The following MYH7B variants were observed in gnomAD, a reference collection of about 807,000 sequenced individuals.
The protein encoded by MYH7B is myosin-7B.
In MYH7B, 205 loss-of-function variants were observed where a neutral mutation model predicts 234.5. The observed-to-expected ratio is 0.87, with a 90% confidence interval of 0.78 to 0.98. The LOEUF (loss-of-function observed/expected upper bound fraction) is 0.98. Ranked by LOEUF, MYH7B falls within the 50% of genes least tolerant of loss-of-function variation. The pLI, the probability that MYH7B is intolerant of heterozygous loss-of-function variation, is 0.00. For synonymous variants in MYH7B, 1,193 were observed against 1,105.0 expected, an observed-to-expected ratio of 1.08 and a Z score of -1.58; for missense variants, 2,652 against 2,633.4, an observed-to-expected ratio of 1.01 and a Z score of -0.15.
chr20:34,996,993 G>A, intron 30 of MYH7B, 90 bp from the exon 31 acceptor site: 1 of 1,407,572 alleles, frequency 7.1e-7, no homozygotes, highest in East Asian at 2.5e-5. Flanking sequence ...GGTCCCTCAG[G>A]GCCTGAAGGG....
Position 35,001,228 on chromosome 20 carries a change from T to C in MYH7B, c.5476-17T>C, listed in dbSNP as rs2147247987. 1.2e-6 allele frequency: 2 copies of C among 1,607,728 alleles called. No homozygotes were observed. The highest frequency in any genetic ancestry group is 1.7e-6 in the Non-Finnish European group (2 of 1,176,280). On this transcript the variant is annotated splice_polypyrimidine_tract_variant and intron_variant, in intron 41 of 44. Coordinates refer to ENST00000262873, the Ensembl canonical transcript of MYH7B. ...CCCAGGGGTGGGCTTGGCATCAGGCTGTCCCCCTGCCTGCAGGTACGGGAG... is the reference window on the plus strand; with the variant it reads ...CCCAGGGGTGGGCTTGGCATCAGGCCGTCCCCCTGCCTGCAGGTACGGGAG...
chr20:34,979,357 C>A, intron 5 of MYH7B, 33 bp from the exon 6 acceptor site: 2 of 1,559,418 alleles, frequency 1.3e-6, no homozygotes, highest in Non-Finnish European at 1.8e-6. Flanking sequence ...GCCTCAGCCC[C>A]TCTCTGAGTC....
intron 2 of MYH7B, among the ~76,000 whole-genome samples, chr20:34,972,703 C>T (rs2147159144): frequency 6.6e-6 from 1 of 152,242 alleles, no homozygotes; most frequent in Middle Eastern, 3.4e-3. Context: ...GATCTCAGCT[C>T]ACTGCAGTCT....
intron 2 of MYH7B, among the ~76,000 whole-genome samples, chr20:34,974,358 T>C (rs771960326): frequency 1.0e-4 from 10 of 98,260 alleles, no homozygotes; most frequent in Non-Finnish European, 2.0e-4. Context: ...GCTCTTCAGG[T>C]ATTGAAAGTC....
At chr20:34,991,343 C>T (rs1380293785) in intron 24 of MYH7B, among the ~76,000 whole-genome samples, 1 of 152,164 alleles carries the variant, frequency 6.6e-6, no homozygotes, top group African/African-American at 2.4e-5. Context: ...GAGGTGGAGC[C>T]TACAGGCCTC....
At chr20:35,001,442 C>T in exon 43 of MYH7B, 1 of 1,602,228 alleles carries the variant, frequency 6.2e-7, no homozygotes, top group Non-Finnish European at 8.5e-7. Context: ...CCGAGGAGGA[C>T]AGGAAGAACC....
intron 2 of MYH7B, among the ~76,000 whole-genome samples, chr20:34,965,356 T>A (rs1207307048): frequency 6.6e-6 from 1 of 152,202 alleles, no homozygotes; most frequent in Non-Finnish European, 1.5e-5. Flanking sequence ...TTGCCCAGGC[T>A]TGGGTGAGAA....
At chr20:35,002,197 C>T (rs1227288506) in exon 45 of MYH7B, 1 of 1,526,156 alleles carries the variant, frequency 6.6e-7, no homozygotes, top group South Asian at 1.3e-5. Flanking sequence ...GACGGCCTGA[C>T]CCCCTGGGCT....
Position 34,998,065 on chromosome 20 carries a change from C to G in MYH7B, c.3748-230C>G, listed in dbSNP as rs957690869. 5.3e-5 allele frequency among the ~76,000 whole-genome samples: 8 copies of G among 152,354 alleles called. No individual in the cohort carries two copies. The East Asian group carries it at 1.4e-3, about 26-fold the overall frequency. On this transcript the variant is annotated intron_variant, in intron 32 of 44. Transcript: ENST00000262873. ...TGACTCCGCAGCTACCATCCCAACTCTCACCCTGACCCACTGCCCTGGGAC... is the reference window on the plus strand; with the variant it reads ...TGACTCCGCAGCTACCATCCCAACTGTCACCCTGACCCACTGCCCTGGGAC...
At chr20:35,000,483 AAGG>A in exon 39 of MYH7B, 1 of 1,600,966 alleles carries the variant, frequency 6.2e-7, no homozygotes, top group Non-Finnish European at 8.5e-7. Flanking sequence ...GGCACAGCTC[AAGG>A]AGGAGCAGGC....
At position 34,977,515 on chromosome 20, in the gene MYH7B, C is replaced by G. The variant is rs1028224783; in HGVS notation, c.-121-117C>G. On this transcript the variant is annotated intron_variant, in intron 3 of 44. Transcript: ENST00000262873. ...CTGACAATGGGAGGTAAAAATAGCC[C>G]AGGGGCCGTGCTGGTGGAGATAAAA... The G allele has an allele frequency of 9.8e-6, 9 of 917,110 alleles. 1 individual carries two copies. Among genetic ancestry groups the G allele is most frequent in the Non-Finnish European group, 1.4e-5 (8 of 581,914 alleles). 56.8% of individuals were successfully genotyped at this position (917,110 alleles called of 1,614,324 possible).
intron 24 of MYH7B, among the ~76,000 whole-genome samples, chr20:34,992,594 T>G: frequency 7.6e-6 from 1 of 131,530 alleles, no homozygotes; most frequent in African/African-American, 2.8e-5. Context: ...GGAGTCTTGC[T>G]CTGTCACCCA....
intron 3 of MYH7B, among the ~76,000 whole-genome samples, chr20:34,977,185 C>T (rs2098828597): frequency 6.6e-6 from 1 of 151,830 alleles, no homozygotes; most frequent in Non-Finnish European, 1.5e-5. Context: ...GGCCATTGCT[C>T]GTCTGTGAGA....
At chr20:34,969,821 A>G (rs1016879964) in intron 2 of MYH7B, among the ~76,000 whole-genome samples, 2 of 151,684 alleles carry the variant, frequency 1.3e-5, no homozygotes, top group Admixed American at 6.6e-5. Context: ...CTGGGATTAC[A>G]GGTGTGAGCC....
intron 2 of MYH7B, among the ~76,000 whole-genome samples, chr20:34,961,750 T>C (rs2081699830): frequency 6.6e-6 from 1 of 152,252 alleles, no homozygotes; most frequent in Non-Finnish European, 1.5e-5. Flanking sequence ...CTACAATCTG[T>C]GGCCTTTTGT....
chr20:34,990,373 C>G, intron 22 of MYH7B, 63 bp downstream of exon 22: 1 of 1,571,946 alleles, frequency 6.4e-7, no homozygotes, highest in Non-Finnish European at 8.8e-7. Flanking sequence ...TCCTTCACCC[C>G]CTGCCCTGTC....
intron 2 of MYH7B, among the ~76,000 whole-genome samples, chr20:34,962,980 C>T (rs982527890): frequency 5.3e-5 from 8 of 152,220 alleles, no homozygotes; most frequent in Non-Finnish European, 1.0e-4. Context: ...CACCTGTAGT[C>T]CCAGCTATTC....
chr20:34,999,116 G>A lies in MYH7B; in HGVS notation c.4251G>A (p.Lys1417=), dbSNP rs761084059. 4 of 1,613,550 alleles carry A rather than the reference G, an allele frequency of 2.5e-6. No homozygotes were observed. The South Asian group carries it at 3.3e-5, about 13-fold the overall frequency. Reference sequence around the variant, plus strand: ...AGGGCGTGGAGGCTGCCAACGCCAAGTGCTCATCGTTGGAGAAGGCCAAGC... The same window carrying A: ...AGGGCGTGGAGGCTGCCAACGCCAAATGCTCATCGTTGGAGAAGGCCAAGC... The change falls in exon 36 of 45, where the codon AAG becomes AAA. Residue 1417 remains lysine (K), a synonymous_variant. Transcript: ENST00000262873.
At chr20:34,988,202 C>G (rs535041511) in exon 19 of MYH7B, 2 of 1,614,030 alleles carry the variant, frequency 1.2e-6, no homozygotes, top group African/African-American at 1.3e-5. Flanking sequence ...GGGAGGGCAT[C>G]GACTGGGTCT....
Sources: allele counts gnomAD v4.1 joint callset (sites outside exome capture counted in the v4.1 genomes callset), GRCh38; gene constraint gnomAD v4.1.1; transcripts MANE v1.5; gene names NCBI Gene and HGNC (gene_info 2026-07-23, HGNC 2026-07-21).